Variants in BCAS3 observed in about 807,000 individuals in gnomAD.
The protein encoded by BCAS3 is BCAS4/BCAS3 fusion.
BCAS3 carries 53 observed loss-of-function variants against 116.1 expected under a neutral mutation model. The ratio of observed to expected loss-of-function variants is 0.46; its 90% CI spans 0.37 to 0.57. The LOEUF (loss-of-function observed/expected upper bound fraction) is 0.57, where lower values mean the gene tolerates loss of function less well. Ranked by LOEUF, BCAS3 falls within the 20% of genes least tolerant of loss-of-function variation. The probability of loss-of-function intolerance (pLI) is 0.00; values close to 1 mark genes in which losing one functional copy is unlikely to be tolerated. For missense variants in BCAS3, 917 were observed against 1,165.4 expected (o/e 0.79, Z 3.10); for synonymous variants, 391 against 408.2 (o/e 0.96, Z 0.51).
intron 22 of BCAS3, among the ~76,000 whole-genome samples, chr17:61,294,768 G>A (rs2052737018): frequency 6.6e-6 from 1 of 152,176 alleles, no homozygotes; most frequent in Non-Finnish European, 1.5e-5. Context: ...TCCATTGCTG[G>A]GATTTAGTCT....
intron 22 of BCAS3, among the ~76,000 whole-genome samples, chr17:61,277,089 C>G (rs972516450): frequency 1.3e-5 from 2 of 151,604 alleles, no homozygotes; most frequent in African/African-American, 4.8e-5. Flanking sequence ...ATAATGAGAC[C>G]TTGTCTCTTA....
chr17:60,798,387 C>T (rs117103360), intron 6 of BCAS3, among the ~76,000 whole-genome samples: 3 of 152,298 alleles, frequency 2.0e-5, no homozygotes, highest in Non-Finnish European at 4.4e-5. Flanking sequence ...TTCCTGCAAC[C>T]ATTGATCTTT....
chr17:61,334,164 T>C (rs2056514034), intron 22 of BCAS3, among the ~76,000 whole-genome samples: 1 of 152,112 alleles, frequency 6.6e-6, no homozygotes. Flanking sequence ...ACAAAGAGCT[T>C]CTGAGCTCAT....
At position 61,144,133 on chromosome 17, in the gene BCAS3, C is replaced by T. The variant is rs963872469; in HGVS notation, c.2425+59569C>T. Among the ~76,000 whole-genome samples the T allele has an allele frequency of 1.1e-4, 17 of 151,694 alleles. No individual in the cohort carries two copies. Among genetic ancestry groups the T allele is most frequent in the African/African-American group, 4.1e-4 (17 of 41,318 alleles). ...GACTCCTTTCTACTCTTTTTTTTGC[C>T]GTTGTCCCTATTTTTTGCCACTGGT... On this transcript the variant is annotated intron_variant, in intron 22 of 23. Transcript: ENST00000407086. This position sits in a 1 kb window ranked among gnomAD's most constrained non-coding sequence, Gnocchi z 5.0.
chr17:61,045,912 T>TATA (rs1491467384), intron 19 of BCAS3, among the ~76,000 whole-genome samples: 1 of 29,244 alleles, frequency 3.4e-5, no homozygotes, highest in African/African-American at 4.3e-4. Flanking sequence ...TAAATATATA[T>TATA]TTATATATAT....
chr17:60,869,191 T>C (rs1290147778), intron 8 of BCAS3, among the ~76,000 whole-genome samples: 2 of 152,220 alleles, frequency 1.3e-5, no homozygotes, highest in Non-Finnish European at 2.9e-5. Context: ...TAAAATTTAT[T>C]TCATTTAATT....
At chr17:61,108,066 C>T (rs1184208139) in intron 22 of BCAS3, among the ~76,000 whole-genome samples, 4 of 152,250 alleles carry the variant, frequency 2.6e-5, no homozygotes, top group South Asian at 4.2e-4. Flanking sequence ...CCTTCAGTTC[C>T]GTCAGGGTTT....
At chr17:61,085,123 T>C (rs1002614563) in intron 22 of BCAS3, among the ~76,000 whole-genome samples, 1 of 152,224 alleles carries the variant, frequency 6.6e-6, no homozygotes, top group Admixed American at 6.5e-5. Context: ...TTTGCCTTTA[T>C]AGGTGATCGT....
At chr17:60,755,696 A>G (rs2042930652) in intron 6 of BCAS3, among the ~76,000 whole-genome samples, 1 of 152,156 alleles carries the variant, frequency 6.6e-6, no homozygotes, top group Non-Finnish European at 1.5e-5. Flanking sequence ...CTTCTTTTCA[A>G]TATGCTTTTC....
At chr17:61,176,609 G>A (rs2079168014) in intron 22 of BCAS3, among the ~76,000 whole-genome samples, 2 of 151,784 alleles carry the variant, frequency 1.3e-5, no homozygotes, top group African/African-American at 2.4e-5. Context: ...CCAGGCTGGA[G>A]TGCACTGGTG....
In BCAS3 at chr17:61,233,199, A is replaced by G. The variant is rs1237389605; in HGVS notation, c.2426-135128A>G. Among the ~76,000 whole-genome samples the G allele has an allele frequency of 1.3e-5, 2 of 152,206 alleles. No individual in the cohort carries two copies. Among genetic ancestry groups the G allele is most frequent in the African/African-American group, 4.8e-5 (2 of 41,442 alleles). ...AGCAACACTCTTTGAGGGATAATGG[A>G]AAGGAGGTGATAAAGATTAGAGCTG... On this transcript the variant is annotated intron_variant, in intron 22 of 23. Coordinates refer to ENST00000407086, the MANE Select transcript of BCAS3 (RefSeq NM_017679.5). This position sits in a 1 kb window ranked among gnomAD's most constrained non-coding sequence, Gnocchi z 4.3.
chr17:61,361,338 G>C lies in BCAS3; in HGVS notation c.2426-6989G>C, dbSNP rs769097213. Among the ~76,000 whole-genome samples, 3 of 152,168 alleles carry C rather than the reference G, an allele frequency of 2.0e-5. No homozygotes were observed. Among genetic ancestry groups the C allele is most frequent in the Non-Finnish European group, 2.9e-5 (2 of 68,034 alleles). ...GCATTATGCAATTGCATATTTTGCAGTTGTGAAAATGGTCTCCTTGTCAAA... is the reference window on the plus strand; with the variant it reads ...GCATTATGCAATTGCATATTTTGCACTTGTGAAAATGGTCTCCTTGTCAAA... On this transcript the variant is annotated intron_variant, in intron 22 of 23. Coordinates refer to ENST00000407086, the MANE Select transcript of BCAS3 (RefSeq NM_017679.5). This position sits in a 1 kb window ranked among gnomAD's most constrained non-coding sequence, Gnocchi z 6.5.
chr17:60,941,491 G>A (rs9912474), intron 13 of BCAS3, among the ~76,000 whole-genome samples: 27,654 of 152,006 alleles, frequency 0.18, 2,749 homozygotes, highest in African/African-American at 0.27. Context: ...TGAAAAGAAA[G>A]CACGTGACTA....
intron 14 of BCAS3, among the ~76,000 whole-genome samples, chr17:60,979,531 T>A (rs1248389534): frequency 2.0e-5 from 3 of 148,890 alleles, no homozygotes; most frequent in Non-Finnish European, 4.4e-5. Flanking sequence ...TCCAACACTA[T>A]GTTGAATAGG....
At chr17:60,947,190 A>G in intron 13 of BCAS3, 29 bp from the exon 14 acceptor site, 1 of 1,591,212 alleles carries the variant, frequency 6.3e-7, no homozygotes, top group Non-Finnish European at 8.6e-7. Flanking sequence ...AATCATTTTT[A>G]TTTTTACCCT....
chr17:61,287,220 C>T (rs1012040087), intron 22 of BCAS3, among the ~76,000 whole-genome samples: 9 of 151,432 alleles, frequency 5.9e-5, no homozygotes, highest in Non-Finnish European at 1.3e-4. Flanking sequence ...TTCACTCCAG[C>T]CTGGGCAACA....
Position 60,814,932 on chromosome 17 carries a change from C to T in BCAS3, c.476+6856C>T, listed in dbSNP as rs186176441. ...CTAGAACTAGAAATACCATTTGATC[C>T]AGCCATCCCATTACTGGATATATAC... is the stretch of plus-strand genomic sequence containing the variant. On this transcript the variant is annotated intron_variant, in intron 7 of 23. Transcript: ENST00000407086. Among the ~76,000 whole-genome samples the T allele has an allele frequency of 2.1e-4, 32 of 152,148 alleles. No homozygotes were observed. The East Asian group carries it at 4.2e-3, about 20-fold the overall frequency.
At chr17:60,998,247 T>C (rs1190852019) in intron 15 of BCAS3, among the ~76,000 whole-genome samples, 3 of 152,214 alleles carry the variant, frequency 2.0e-5, no homozygotes, top group African/African-American at 4.8e-5. Flanking sequence ...TAATCCACCA[T>C]TGATAGGCAC....
chr17:61,266,889 C>T (rs1212729003), intron 22 of BCAS3, among the ~76,000 whole-genome samples: 1 of 152,176 alleles, frequency 6.6e-6, no homozygotes, highest in Non-Finnish European at 1.5e-5. Flanking sequence ...TAAACAGTGT[C>T]CTCACACACG....
Sources: gnomAD v4.1 joint callset for allele counts (sites outside exome capture counted in the v4.1 genomes callset) on GRCh38, gnomAD v4.1.1 for gene constraint, Gnocchi (gnomAD v3.1) non-coding constraint, MANE v1.5 for transcripts, NCBI Gene and HGNC (gene_info 2026-07-23, HGNC 2026-07-21) for gene names.